The following SPMAP2L variants were observed in gnomAD, a reference collection of about 807,000 sequenced individuals.
SPMAP2L encodes sperm microtubule associated protein 2-like.
At chr4:56,582,715 A>G in the SPMAP2L span, among the ~76,000 whole-genome samples, 2 of 152,222 alleles carry the variant, frequency 1.3e-5, no homozygotes, top group South Asian at 2.1e-4. Flanking sequence ...ACTCCTAGAC[A>G]TGTACCCAAG....
At chr4:56,582,678 A>G in the SPMAP2L span, among the ~76,000 whole-genome samples, 1 of 152,212 alleles carries the variant, frequency 6.6e-6, no homozygotes, top group African/African-American at 2.4e-5. Flanking sequence ...TGTTAAATAT[A>G]GAGTTATTAT....
the SPMAP2L span, among the ~76,000 whole-genome samples, chr4:56,559,984 A>T: frequency 6.6e-6 from 1 of 152,204 alleles, no homozygotes; most frequent in Non-Finnish European, 1.5e-5. Flanking sequence ...TTCCAACCTG[A>T]TGCTACAGGT....
At chr4:56,594,409 T>C in the SPMAP2L span, 1 of 1,593,942 alleles carries the variant, frequency 6.3e-7, no homozygotes, top group South Asian at 1.1e-5. Context: ...CCTTTGTGCC[T>C]CTGGACCAAG....
the SPMAP2L span, among the ~76,000 whole-genome samples, chr4:56,624,550 A>G: frequency 6.6e-6 from 1 of 152,168 alleles, no homozygotes; most frequent in Non-Finnish European, 1.5e-5. Flanking sequence ...TTTGTGGGCC[A>G]GGCCCAGGGT....
chr4:56,574,586 G>T, the SPMAP2L span, among the ~76,000 whole-genome samples: 1,097 of 152,176 alleles, frequency 7.2e-3, 17 homozygotes, highest in African/African-American at 0.025. Context: ...GTATAAAATA[G>T]AAATATAGTA....
chr4:56,599,591 C>T, the SPMAP2L span, among the ~76,000 whole-genome samples: 1 of 152,094 alleles, frequency 6.6e-6, no homozygotes, highest in African/African-American at 2.4e-5. Context: ...GTGTGTTGTT[C>T]CCCTCTCTGT....
the SPMAP2L span, among the ~76,000 whole-genome samples, chr4:56,605,576 G>A: frequency 6.6e-6 from 1 of 152,090 alleles, no homozygotes; most frequent in East Asian, 1.9e-4. Context: ...TGTCCTGCTT[G>A]TCTCTTTAAA....
chr4:56,604,046 G>A, the SPMAP2L span, among the ~76,000 whole-genome samples: 30,421 of 151,888 alleles, frequency 0.2, 3,477 homozygotes, highest in East Asian at 0.41. Context: ...TAACTTTTAT[G>A]GGGCATATCT....
chr4:56,621,519 A>G, the SPMAP2L span, among the ~76,000 whole-genome samples: 8 of 152,210 alleles, frequency 5.3e-5, no homozygotes, highest in African/African-American at 7.2e-5. Flanking sequence ...CATAGCAAGC[A>G]TAAGGTAATT....
chr4:56,537,972 C>A, the SPMAP2L span, among the ~76,000 whole-genome samples: 32 of 152,264 alleles, frequency 2.1e-4, no homozygotes, highest in East Asian at 5.0e-3. Context: ...GGATTACAGG[C>A]GTGAGCCACC....
chr4:56,555,528 T>C, the SPMAP2L span, among the ~76,000 whole-genome samples: 1 of 152,202 alleles, frequency 6.6e-6, no homozygotes, highest in Non-Finnish European at 1.5e-5. Flanking sequence ...TGGGATTGCA[T>C]TGAATATATA....
chr4:56,583,764 G>T, the SPMAP2L span, among the ~76,000 whole-genome samples: 1 of 151,700 alleles, frequency 6.6e-6, no homozygotes, highest in Non-Finnish European at 1.5e-5. Context: ...AGGAGGAATT[G>T]GTATAGAATG....
chr4:56,593,652 C>T, the SPMAP2L span: 1 of 1,605,276 alleles, frequency 6.2e-7, no homozygotes, highest in Non-Finnish European at 8.5e-7. Context: ...CCCCACGCAG[C>T]ATTTTTTGCC....
At chr4:56,539,876 G>A in the SPMAP2L span, among the ~76,000 whole-genome samples, 9 of 152,098 alleles carry the variant, frequency 5.9e-5, no homozygotes, top group Non-Finnish European at 1.2e-4. Context: ...CCTTCCCAGC[G>A]CTTACCACTA....
the SPMAP2L span, among the ~76,000 whole-genome samples, chr4:56,598,053 G>A: frequency 6.6e-6 from 1 of 152,138 alleles, no homozygotes; most frequent in Non-Finnish European, 1.5e-5. Context: ...GTAGAGACAG[G>A]GGTCTCACTA....
the SPMAP2L span, among the ~76,000 whole-genome samples, chr4:56,566,633 C>T: frequency 6.6e-6 from 1 of 150,552 alleles, no homozygotes; most frequent in African/African-American, 2.4e-5. Flanking sequence ...CACAGTCTAC[C>T]TTTCTATCTT....
chr4:56,540,416 G>A, the SPMAP2L span, among the ~76,000 whole-genome samples: 1 of 152,130 alleles, frequency 6.6e-6, no homozygotes, highest in Admixed American at 6.5e-5. Context: ...GGTGGTGCAC[G>A]CCTGTAAGCC....
the SPMAP2L span, among the ~76,000 whole-genome samples, chr4:56,611,402 C>G: frequency 1.5e-4 from 23 of 152,066 alleles, no homozygotes; most frequent in Admixed American, 1.1e-3. Flanking sequence ...AAGAATGATA[C>G]AGTGGACTTT....
At chr4:56,562,311 G>C in the SPMAP2L span, among the ~76,000 whole-genome samples, 1 of 149,134 alleles carries the variant, frequency 6.7e-6, no homozygotes, top group African/African-American at 2.5e-5. Context: ...ATTTCTTCCA[G>C]AAAAAAATAA....
Sources: allele counts gnomAD v4.1 joint callset (sites outside exome capture counted in the v4.1 genomes callset), GRCh38; gene constraint gnomAD v4.1.1; transcripts MANE v1.5; gene names NCBI Gene and HGNC (gene_info 2026-07-23, HGNC 2026-07-21).